Variants in NSUN4 observed in about 807,000 individuals in gnomAD.
The protein encoded by NSUN4 is NOP2/Sun RNA methyltransferase 4.
Under a neutral mutation model 43.8 loss-of-function variants are expected in NSUN4, and 31 were observed. The ratio of observed to expected loss-of-function variants is 0.71; its 90% CI spans 0.53 to 0.96. NSUN4 has a LOEUF of 0.96. NSUN4 is among the 40% of genes least tolerant of loss of function. NSUN4 has a pLI of 0.00. For synonymous variants in NSUN4, 167 were observed against 184.1 expected, an observed-to-expected ratio of 0.91 and a Z score of 0.75; for missense variants, 439 against 475.6, an observed-to-expected ratio of 0.92 and a Z score of 0.72.
chr1:46,357,472 C>T (rs1487802328), intron 4 of NSUN4, among the ~76,000 whole-genome samples: 1 of 152,230 alleles, frequency 6.6e-6, no homozygotes, highest in African/African-American at 2.4e-5. Flanking sequence ...GTTAACACTA[C>T]TGAAACAATA....
downstream of NSUN4, among the ~76,000 whole-genome samples, chr1:46,365,449 TCTG>T (rs1664112821): frequency 2.0e-5 from 3 of 152,216 alleles, no homozygotes; most frequent in South Asian, 6.2e-4. Context: ...AAGCGATTCT[TCTG>T]CTGCAGCTTC....
At chr1:46,383,020 T>C in the NSUN4 span, among the ~76,000 whole-genome samples, 1 of 152,206 alleles carries the variant, frequency 6.6e-6, no homozygotes, top group African/African-American at 2.4e-5. Flanking sequence ...ATCCGTGTAA[T>C]TCATCCCCCT....
downstream of NSUN4, among the ~76,000 whole-genome samples, chr1:46,366,704 C>CAAAAAAAAAAA (rs34437222): frequency 1.0e-3 from 62 of 59,390 alleles, no homozygotes; most frequent in Admixed American, 1.7e-3. Flanking sequence ...ACTAAAAATA[C>CAAAAAAAAAAA]AAAAAAAAAA....
chr1:46,353,344 C>A lies in NSUN4; in HGVS notation c.753+316C>A, dbSNP rs575355428. 2.0e-5 allele frequency among the ~76,000 whole-genome samples: 3 copies of A among 152,262 alleles called. No individual in the cohort carries two copies. In the East Asian group the frequency reaches 5.8e-4, roughly 29 times the overall value. ...TCATGAAGGTAAGTAAGAATAAGCTCATTTATTTATTTTTGAATGTTAGTA... is the reference window on the plus strand; with the variant it reads ...TCATGAAGGTAAGTAAGAATAAGCTAATTTATTTATTTTTGAATGTTAGTA... On this transcript the variant is annotated intron_variant, in intron 4 of 5. Transcript: ENST00000474844.
chr1:46,341,695 C>T, intron 1 of NSUN4: 1 of 1,230,484 alleles, frequency 8.1e-7, no homozygotes, highest in Non-Finnish European at 1.0e-6. Context: ...TTTGAGTCCT[C>T]TTCCCCACTC....
At chr1:46,375,999 G>A in the NSUN4 span, among the ~76,000 whole-genome samples, 3 of 150,190 alleles carry the variant, frequency 2.0e-5, no homozygotes, top group African/African-American at 4.9e-5. Flanking sequence ...CCAGCTACTC[G>A]GGAGGCTGAG....
At chr1:46,374,420 C>T in the NSUN4 span, among the ~76,000 whole-genome samples, 1 of 144,742 alleles carries the variant, frequency 6.9e-6, no homozygotes, top group African/African-American at 2.5e-5. Context: ...TCAGCCTGGC[C>T]AACATGATGA....
the NSUN4 span, among the ~76,000 whole-genome samples, chr1:46,372,868 A>G: frequency 0.22 from 34,135 of 152,146 alleles, 4,300 homozygotes; most frequent in Non-Finnish European, 0.29. Context: ...GACTTCAGGC[A>G]CGTGCCACCA....
chr1:46,383,393 G>A, the NSUN4 span, among the ~76,000 whole-genome samples: 5 of 152,038 alleles, frequency 3.3e-5, no homozygotes, highest in South Asian at 1.0e-3. Flanking sequence ...GGTTTGTGGA[G>A]GTTAAAGAGG....
chr1:46,341,963 G>T (rs987166964), intron 1 of NSUN4: 3 of 1,232,734 alleles, frequency 2.4e-6, no homozygotes, highest in Admixed American at 8.4e-5. Flanking sequence ...TTGCTCATCA[G>T]TCCCCGGGAA....
the NSUN4 span, among the ~76,000 whole-genome samples, chr1:46,384,453 G>A: frequency 6.6e-6 from 1 of 152,164 alleles, no homozygotes; most frequent in Non-Finnish European, 1.5e-5. Flanking sequence ...CACAGCACCT[G>A]ATAAGAATAA....
chr1:46,381,806 C>T, the NSUN4 span, among the ~76,000 whole-genome samples: 1 of 152,130 alleles, frequency 6.6e-6, no homozygotes, highest in Middle Eastern at 3.2e-3. Context: ...GGTGAGGTGA[C>T]CTCATAAGAA....
intron 3 of NSUN4, among the ~76,000 whole-genome samples, chr1:46,352,324 C>T (rs1028084989): frequency 4.6e-5 from 7 of 151,966 alleles, no homozygotes; most frequent in African/African-American, 1.7e-4. Context: ...TAGTGGTGCA[C>T]ACCCATAGTC....
At chr1:46,357,707 C>G (rs1663484274) in intron 4 of NSUN4, among the ~76,000 whole-genome samples, 1 of 152,000 alleles carries the variant, frequency 6.6e-6, no homozygotes, top group Non-Finnish European at 1.5e-5. Context: ...GTTGGGGAAA[C>G]TCCTACAGCT....
intron 4 of NSUN4, among the ~76,000 whole-genome samples, chr1:46,355,573 G>A (rs1663303759): frequency 6.6e-6 from 1 of 152,120 alleles, no homozygotes; most frequent in Non-Finnish European, 1.5e-5. Flanking sequence ...TTCAGTAGTA[G>A]TATAATCATC....
chr1:46,341,597 G>A, intron 1 of NSUN4: 1 of 1,203,760 alleles, frequency 8.3e-7, no homozygotes, highest in Non-Finnish European at 1.0e-6. Context: ...TGACCGGCAC[G>A]CCCCCCTGCC....
At chr1:46,379,200 T>G in the NSUN4 span, among the ~76,000 whole-genome samples, 2 of 152,072 alleles carry the variant, frequency 1.3e-5, no homozygotes, top group African/African-American at 4.8e-5. Flanking sequence ...ATATCTGCAT[T>G]CAAAGTCCTG....
the NSUN4 span, among the ~76,000 whole-genome samples, chr1:46,372,299 C>G: frequency 2.0e-5 from 3 of 151,990 alleles, no homozygotes; most frequent in East Asian, 5.8e-4. Flanking sequence ...CACCACCACG[C>G]CCGGCTGGTT....
the NSUN4 span, among the ~76,000 whole-genome samples, chr1:46,380,186 C>T: frequency 6.6e-6 from 1 of 152,136 alleles, no homozygotes; most frequent in Non-Finnish European, 1.5e-5. Flanking sequence ...CAGCCCTGCC[C>T]CCACCTCAGA....
Sources: allele counts gnomAD v4.1 joint callset (sites outside exome capture counted in the v4.1 genomes callset), GRCh38; gene constraint gnomAD v4.1.1; transcripts MANE v1.5; gene names NCBI Gene and HGNC (gene_info 2026-07-23, HGNC 2026-07-21).